PUS10: variants seen among roughly 807,000 people sequenced by gnomAD.
PUS10 encodes tRNA pseudouridine synthase Pus10.
PUS10 carries 59 observed loss-of-function variants against 75.0 expected under a neutral mutation model. That is an observed-to-expected ratio of 0.79 (90% CI 0.64 to 0.98). The LOEUF (loss-of-function observed/expected upper bound fraction) is 0.98. PUS10 is among the 50% of genes least tolerant of loss of function. The pLI, the probability that PUS10 is intolerant of heterozygous loss-of-function variation, is 0.00. For missense variants in PUS10, 650 were observed against 614.4 expected (o/e 1.06, Z -0.61); for synonymous variants, 219 against 211.6 (o/e 1.03, Z -0.30).
intron 17 of PUS10, among the ~76,000 whole-genome samples, chr2:60,943,846 GCAGT>G (rs1220669474): frequency 6.6e-6 from 1 of 151,848 alleles, no homozygotes; most frequent in East Asian, 1.9e-4. Flanking sequence ...ATTCCAGTGG[GCAGT>G]CAGTGTTGAG....
chr2:61,011,507 A>G (rs1679594910), intron 2 of PUS10, among the ~76,000 whole-genome samples: 1 of 152,218 alleles, frequency 6.6e-6, no homozygotes, highest in South Asian at 2.1e-4. Flanking sequence ...CATCTATACA[A>G]GTGTTCAAAT....
At chr2:60,991,859 GA>G in intron 4 of PUS10, among the ~76,000 whole-genome samples, 1 of 152,170 alleles carries the variant, frequency 6.6e-6, no homozygotes, top group Admixed American at 6.5e-5. Context: ...AATTGGAGGG[GA>G]AAAGTCATTG....
intron 17 of PUS10, 58 bp from the exon 18 acceptor site, chr2:60,942,491 T>A: frequency 1.5e-6 from 2 of 1,290,782 alleles, no homozygotes; most frequent in Non-Finnish European, 2.3e-6. Flanking sequence ...AAGCATTTGC[T>A]GGTAATGCTG....
At position 60,979,273 on chromosome 2, in the gene PUS10, C is replaced by A. The variant is rs553476158; in HGVS notation, c.469-7716G>T. Reference sequence around the variant, plus strand: ...AGAAATTCTTCTTCCTTCTCTCTATCCAGACCACTGCCTAAGATTTCCTCC... The same window carrying A: ...AGAAATTCTTCTTCCTTCTCTCTATACAGACCACTGCCTAAGATTTCCTCC... On this transcript the variant is annotated intron_variant, in intron 4 of 17. Coordinates refer to ENST00000316752, the MANE Select transcript of PUS10 (RefSeq NM_144709.4). Among the ~76,000 whole-genome samples, 4 of 152,224 alleles carry A rather than the reference C, an allele frequency of 2.6e-5. No homozygotes were observed. In the South Asian group the frequency reaches 6.2e-4, roughly 24 times the overall value.
chr2:60,986,732 G>A (rs1304233769), intron 4 of PUS10, among the ~76,000 whole-genome samples: 10 of 152,128 alleles, frequency 6.6e-5, no homozygotes, highest in Admixed American at 5.9e-4. Flanking sequence ...TTTCTTTCCA[G>A]GGACTTGCCT....
chr2:60,982,533 G>T (rs964647168), intron 4 of PUS10, among the ~76,000 whole-genome samples: 1 of 152,136 alleles, frequency 6.6e-6, no homozygotes, highest in Non-Finnish European at 1.5e-5. Context: ...AAAGTGCTGG[G>T]ATTACAGGCG....
intron 11 of PUS10, among the ~76,000 whole-genome samples, chr2:60,957,130 A>C (rs1390483368): frequency 1.3e-5 from 2 of 152,138 alleles, no homozygotes; most frequent in Non-Finnish European, 2.9e-5. Flanking sequence ...CAGCTGACAA[A>C]AAAGGAAAAG....
chr2:60,942,118 A>C lies in PUS10; in HGVS notation c.*277T>G. On this transcript the variant is annotated 3_prime_UTR_variant, in exon 18 of 18. Transcript: ENST00000316752. ...GTTTGTGCACCTCTCTAAATGAAAG[A>C]ATTAAGGAGAATTATTTCATTATTC... 2.8e-6 allele frequency: 1 copy of C among 361,930 alleles called. No individual in the cohort carries two copies. The highest frequency in any genetic ancestry group is 5.1e-6 in the Non-Finnish European group (1 of 197,498). The allele number at this position is 361,930 out of a possible 1,614,324, so 22.4% of individuals were successfully genotyped here.
intron 4 of PUS10, among the ~76,000 whole-genome samples, chr2:60,994,976 G>A (rs1678355528): frequency 1.3e-5 from 2 of 152,148 alleles, no homozygotes; most frequent in Non-Finnish European, 2.9e-5. Context: ...TGTAGTCCCA[G>A]CTACCTGGGA....
intron 5 of PUS10, among the ~76,000 whole-genome samples, chr2:60,968,755 A>C (rs1404629042): frequency 1.3e-5 from 2 of 152,210 alleles, no homozygotes; most frequent in Non-Finnish European, 2.9e-5. Flanking sequence ...TGTTACAGAG[A>C]GAGCTTTCAT....
In PUS10 at chr2:60,945,057, A is replaced by C. The variant is rs1674857033; in HGVS notation, c.1503T>G (p.Ile501Met). 1 of 1,614,142 alleles carries C rather than the reference A, an allele frequency of 6.2e-7. No homozygotes were observed. The highest frequency in any genetic ancestry group is 8.5e-7 in the Non-Finnish European group (1 of 1,179,970). The change falls in exon 17 of 18, where the codon ATT becomes ATG. Residue 501 changes from isoleucine to methionine, a missense_variant. Physicochemically the swap from Ile to Met is conservative, Grantham distance 10. Transcript: ENST00000316752. ...CTGCAGTCACATTCATCAGGGACCC[A>C]ATGTTTGGCTTGGTTCTCCCGAAGT... is the stretch of plus-strand genomic sequence containing the variant. ...HGDFGRTKPN[I>M]GSLMNVTADI...
Position 60,960,397 on chromosome 2 carries a change from G to T in PUS10, c.995C>A (p.Ala332Glu). The change falls in exon 11 of 18, where the codon GCA becomes GAA. Residue 332 changes from alanine to glutamate, a missense_variant. Transcript: ENST00000316752. ...ATGAAGATCGTAACACTTACTCTCT[G>T]CTTTAAATACTGCCAACAGATGATC... is the stretch of plus-strand genomic sequence containing the variant. The part of the protein sequence containing the change: ...ISDHLLAVFK[A>E]ESFNFSSSGR... 3 of 1,541,554 alleles carry T rather than the reference G, an allele frequency of 1.9e-6. No homozygotes were observed. Among genetic ancestry groups the T allele is most frequent in the Admixed American group, 2.3e-5 (1 of 42,892 alleles).
At position 61,011,883 on chromosome 2, in the gene PUS10, G is replaced by A. The variant is rs139165346; in HGVS notation, c.8C>T (p.Pro3Leu). Reference sequence around the variant, plus strand: ...CACATGCTTGTTTTCCTCAGTCAGTGGGAACATATTGAATAATTATAACTA... The same window carrying A: ...CACATGCTTGTTTTCCTCAGTCAGTAGGAACATATTGAATAATTATAACTA... MF[P>L]LTEENKHVAQ... The change falls in exon 2 of 18, where the codon CCA (proline) becomes CTA (leucine). Residue 3 changes from proline to leucine, a missense_variant. By Grantham distance (98) the Pro-to-Leu change is moderately conservative (BLOSUM62 -3). Coordinates refer to ENST00000316752, the MANE Select transcript of PUS10 (RefSeq NM_144709.4). 10 of 1,597,948 alleles carry A rather than the reference G, an allele frequency of 6.3e-6. No homozygotes were observed. The African/African-American group carries it at 1.2e-4, about 19-fold the overall frequency.
intron 7 of PUS10, 143 bp downstream of exon 7, chr2:60,965,279 AT>A: frequency 2.0e-6 from 2 of 996,648 alleles, no homozygotes; most frequent in Non-Finnish European, 3.1e-6. Flanking sequence ...GACACATTTT[AT>A]TTTTTTGAGG....
At chr2:60,972,353 C>T (rs1029975205) in intron 4 of PUS10, among the ~76,000 whole-genome samples, 7 of 151,718 alleles carry the variant, frequency 4.6e-5, no homozygotes, top group South Asian at 4.2e-4. Context: ...GCCCGTAGTC[C>T]CAGCTACTTG....
At chr2:61,003,478 A>T (rs1346641397) in intron 4 of PUS10, among the ~76,000 whole-genome samples, 2 of 151,904 alleles carry the variant, frequency 1.3e-5, no homozygotes, top group East Asian at 3.9e-4. Context: ...AAAAAAAAAA[A>T]ATTGCTGTCA....
intron 10 of PUS10, among the ~76,000 whole-genome samples, chr2:60,961,241 T>C (rs1020134011): frequency 6.6e-6 from 1 of 152,232 alleles, no homozygotes; most frequent in African/African-American, 2.4e-5. Flanking sequence ...GGAAGTGTCA[T>C]TTCCCTTTGG....
intron 16 of PUS10, among the ~76,000 whole-genome samples, chr2:60,947,409 C>G (rs569999834): frequency 2.6e-5 from 4 of 152,294 alleles, no homozygotes; most frequent in Middle Eastern, 6.8e-3. Context: ...AATGTCAAGA[C>G]AGCAAATGAA....
At chr2:60,995,527 G>C (rs1678398356) in intron 4 of PUS10, among the ~76,000 whole-genome samples, 1 of 152,118 alleles carries the variant, frequency 6.6e-6, no homozygotes, top group Non-Finnish European at 1.5e-5. Context: ...TACGCAACAA[G>C]AAAAACCTAG....
Sources: allele counts gnomAD v4.1 joint callset (sites outside exome capture counted in the v4.1 genomes callset), GRCh38; gene constraint gnomAD v4.1.1; transcripts MANE v1.5; gene names NCBI Gene and HGNC (gene_info 2026-07-23, HGNC 2026-07-21).